POFUT3: variants seen among roughly 807,000 people sequenced by gnomAD.
POFUT3 encodes GDP-fucose protein O-fucosyltransferase 3.
the POFUT3 span, among the ~76,000 whole-genome samples, chr8:33,412,232 C>A: frequency 1.9e-4 from 29 of 152,268 alleles, no homozygotes; most frequent in Admixed American, 1.7e-3. Context: ...TAAGGCCTCA[C>A]ATATCTTCAA....
At chr8:33,316,087 T>G in the POFUT3 span, among the ~76,000 whole-genome samples, 2 of 152,044 alleles carry the variant, frequency 1.3e-5, no homozygotes, top group African/African-American at 4.8e-5. Context: ...ATGCCAGGAG[T>G]GCAGGCTTGT....
chr8:33,440,036 T>C, the POFUT3 span, among the ~76,000 whole-genome samples: 1 of 151,744 alleles, frequency 6.6e-6, no homozygotes, highest in African/African-American at 2.4e-5. Flanking sequence ...AAATGTTAGG[T>C]CCTCAGAGAG....
chr8:33,465,131 A>T, the POFUT3 span, among the ~76,000 whole-genome samples: 1 of 152,194 alleles, frequency 6.6e-6, no homozygotes, highest in Non-Finnish European at 1.5e-5. Context: ...CCCTTGCATA[A>T]CAGAAAGATT....
chr8:33,414,333 A>G, the POFUT3 span, among the ~76,000 whole-genome samples: 1 of 152,118 alleles, frequency 6.6e-6, no homozygotes, highest in South Asian at 2.1e-4. Context: ...GCTCAGAGGA[A>G]CTCTGTCCCA....
the POFUT3 span, among the ~76,000 whole-genome samples, chr8:33,421,846 C>A: frequency 6.6e-6 from 1 of 152,024 alleles, no homozygotes; most frequent in Non-Finnish European, 1.5e-5. Flanking sequence ...ATGGACAAAT[C>A]AACACAGATT....
At chr8:33,453,211 C>T in the POFUT3 span, 5 of 1,612,734 alleles carry the variant, frequency 3.1e-6, no homozygotes, top group African/African-American at 1.3e-5. Flanking sequence ...GAAAGTCCTG[C>T]TTACCATAGA....
the POFUT3 span, among the ~76,000 whole-genome samples, chr8:33,429,117 G>C: frequency 3.3e-5 from 5 of 152,144 alleles, no homozygotes; most frequent in Admixed American, 6.6e-5. Context: ...AAACCCTAAA[G>C]AAAATGGTTT....
At chr8:33,372,691 CAT>C in the POFUT3 span, 1 of 1,614,074 alleles carries the variant, frequency 6.2e-7, no homozygotes, top group African/African-American at 1.3e-5. Flanking sequence ...TGGAAATCCA[CAT>C]CTCTCGCAAA....
chr8:33,375,113 A>C, the POFUT3 span, among the ~76,000 whole-genome samples: 1 of 151,912 alleles, frequency 6.6e-6, no homozygotes, highest in Non-Finnish European at 1.5e-5. Context: ...GTTGGTCTTG[A>C]AATCCTGACC....
chr8:33,354,313 A>T, the POFUT3 span, among the ~76,000 whole-genome samples: 1 of 152,160 alleles, frequency 6.6e-6, no homozygotes, highest in African/African-American at 2.4e-5. Context: ...CACAATCTGG[A>T]GAACGAGGAG....
At chr8:33,449,353 G>A in the POFUT3 span, among the ~76,000 whole-genome samples, 4 of 123,178 alleles carry the variant, frequency 3.2e-5, no homozygotes, top group Admixed American at 1.1e-4. Context: ...GCAATGACAC[G>A]ATCTTGGCTC....
chr8:33,341,204 G>A, the POFUT3 span, among the ~76,000 whole-genome samples: 1 of 152,196 alleles, frequency 6.6e-6, no homozygotes, highest in African/African-American at 2.4e-5. Context: ...GGGAGGCCAC[G>A]GTGGGCAGAT....
the POFUT3 span, among the ~76,000 whole-genome samples, chr8:33,317,825 C>A: frequency 6.6e-6 from 1 of 152,108 alleles, no homozygotes; most frequent in Non-Finnish European, 1.5e-5. Context: ...GAGCCTCAGA[C>A]TTGACTTCCT....
the POFUT3 span, among the ~76,000 whole-genome samples, chr8:33,347,952 T>C: frequency 6.6e-6 from 1 of 151,876 alleles, no homozygotes; most frequent in Non-Finnish European, 1.5e-5. Context: ...CCAAGGTGGG[T>C]GGATCACTCA....
chr8:33,404,704 T>C, the POFUT3 span, among the ~76,000 whole-genome samples: 1 of 151,762 alleles, frequency 6.6e-6, no homozygotes, highest in African/African-American at 2.4e-5. Flanking sequence ...GTCTGCATAC[T>C]GGTGTTAAAA....
chr8:33,332,866 C>T, the POFUT3 span, among the ~76,000 whole-genome samples: 5 of 152,236 alleles, frequency 3.3e-5, no homozygotes, highest in South Asian at 1.0e-3. Context: ...TTGCCCCAGC[C>T]CTTCATTTCC....
chr8:33,373,091 C>T, the POFUT3 span, among the ~76,000 whole-genome samples: 34 of 152,096 alleles, frequency 2.2e-4, 1 homozygote, highest in East Asian at 6.0e-3. Context: ...TAAAGCCTTC[C>T]CCTCCCTCTG....
chr8:33,426,526 G>A, the POFUT3 span, among the ~76,000 whole-genome samples: 1 of 152,206 alleles, frequency 6.6e-6, no homozygotes, highest in East Asian at 1.9e-4. Flanking sequence ...GTGTTGCAGA[G>A]GAAGTGAAGT....
the POFUT3 span, among the ~76,000 whole-genome samples, chr8:33,394,592 G>T: frequency 6.6e-6 from 1 of 151,436 alleles, no homozygotes; most frequent in Non-Finnish European, 1.5e-5. Flanking sequence ...ATTTTTCGTG[G>T]AATGATTTCA....
Sources: gnomAD v4.1 joint callset for allele counts (sites outside exome capture counted in the v4.1 genomes callset) on GRCh38, gnomAD v4.1.1 for gene constraint, MANE v1.5 for transcripts, NCBI Gene and HGNC (gene_info 2026-07-23, HGNC 2026-07-21) for gene names.